Variants in AHNAK observed in about 807,000 individuals in gnomAD.
AHNAK encodes the protein neuroblast differentiation-associated protein AHNAK.
Under a neutral mutation model 37.8 loss-of-function variants are expected in AHNAK, and 23 were observed. The ratio of observed to expected loss-of-function variants is 0.61; its 90% confidence interval spans 0.44 to 0.86. The LOEUF (loss-of-function observed/expected upper bound fraction) is 0.86, where lower values mean the gene tolerates loss of function less well. Among genes scored for constraint, AHNAK ranks in the 40% least tolerant of loss-of-function variants. AHNAK has a pLI of 0.00. For missense variants in AHNAK, 7,411 were observed against 7,319.4 expected, an observed-to-expected ratio of 1.01 and a Z score of -0.46; for synonymous variants, 2,481 against 2,636.3, an observed-to-expected ratio of 0.94 and a Z score of 1.80.
chr11:62,443,924 C>T (rs569188968), intron 5 of AHNAK, among the ~76,000 whole-genome samples: 1 of 152,340 alleles, frequency 6.6e-6, no homozygotes, highest in African/African-American at 2.4e-5. Context: ...TTATGAGGCA[C>T]CAGCAGTAGA....
At chr11:62,495,237 A>G (rs1565213876) in intron 4 of AHNAK, among the ~76,000 whole-genome samples, 1 of 152,184 alleles carries the variant, frequency 6.6e-6, no homozygotes, top group Non-Finnish European at 1.5e-5. Flanking sequence ...TCATAAACCC[A>G]CACTCTAAAC....
chr11:62,532,179 G>C lies in AHNAK; in HGVS notation c.2238C>G (p.His746Gln). 6.2e-7 allele frequency: 1 copy of C among 1,614,110 alleles called. No individual in the cohort carries two copies. Among genetic ancestry groups the C allele is most frequent in the African/African-American group, 1.3e-5 (1 of 75,010 alleles). The change falls in exon 5 of 5, where the codon CAC (histidine) becomes CAG (glutamine). Residue 746 changes from histidine to glutamine, a missense_variant. His to Gln is a conservative substitution (Grantham distance 24). Transcript: ENST00000378024. ...GCATTTTCATCTTGGGCATCTTCAA[G>C]TGCCAGTCTGGGCCATGAACATCCA... ...PDVDVHGPDW[H>Q]LKMPKMKMPK...
At chr11:62,470,457 T>A (rs967601506) in intron 5 of AHNAK, among the ~76,000 whole-genome samples, 18 of 142,284 alleles carry the variant, frequency 1.3e-4, no homozygotes, top group African/African-American at 4.8e-4. Flanking sequence ...AAAAAAAAAA[T>A]TAGCTGGGCG....
Position 62,528,749 on chromosome 11 carries a change from C to T in AHNAK, c.5668G>A (p.Gly1890Ser). 1.2e-6 allele frequency: 2 copies of T among 1,612,372 alleles called. No individual in the cohort carries two copies. The highest frequency in any genetic ancestry group is 1.7e-6 in the Non-Finnish European group (2 of 1,179,726). ...AGCTCAACATCAGGCACCTCCACAC[C>T]CACACTGGGGCCTGTTAAATCTCCC... ...LEGDLTGPSVGVEVPDVELEC... is the reference protein window; with the variant it reads ...LEGDLTGPSVSVEVPDVELEC... The change falls in exon 5 of 5, where the codon GGT (glycine) becomes AGT (serine). Residue 1890 changes from glycine (G) to serine (S), a missense_variant. Physicochemically the swap from Gly to Ser is moderately conservative, Grantham distance 56. Transcript: ENST00000378024.
intron 4 of AHNAK, among the ~76,000 whole-genome samples, chr11:62,493,255 C>T (rs933667978): frequency 1.3e-5 from 2 of 151,514 alleles, no homozygotes; most frequent in African/African-American, 4.8e-5. Context: ...CTCAGATGAT[C>T]CACCCACCTC....
Position 62,527,062 on chromosome 11 carries a change from T to C in AHNAK, c.7355A>G (p.Asn2452Ser), listed in dbSNP as rs764634958. 2.7e-5 allele frequency: 43 copies of C among 1,614,186 alleles called. No homozygotes were observed. The Admixed American group carries it at 3.7e-4, about 14-fold the overall frequency. Residue 2452 changes from asparagine (N) to serine (S), a missense_variant, in exon 5 of 5, where the codon AAT becomes AGT. Transcript: ENST00000378024. The stretch of plus-strand genomic sequence containing the variant: ...TAGATCAACATCAGGCATAGAAATA[T>C]TGGGGGCTTTGAAATGCATATCAGG... ...KMPDMHFKAP[N>S]ISMPDVDLNL...
At chr11:62,471,296 G>C (rs1030419233) in intron 5 of AHNAK, among the ~76,000 whole-genome samples, 1 of 152,072 alleles carries the variant, frequency 6.6e-6, no homozygotes, top group Non-Finnish European at 1.5e-5. Context: ...CGCAACTAGG[G>C]GGGGCTTCCA....
chr11:62,488,687 C>T (rs1159655498), intron 5 of AHNAK, among the ~76,000 whole-genome samples: 1 of 150,180 alleles, frequency 6.7e-6, no homozygotes, highest in East Asian at 2.0e-4. Context: ...GCTGGGATTA[C>T]AGGTATGAGC....
At chr11:62,475,602 C>CATTT (rs1484963988) in intron 5 of AHNAK, among the ~76,000 whole-genome samples, 3 of 118,054 alleles carry the variant, frequency 2.5e-5, no homozygotes, top group African/African-American at 7.1e-5. Flanking sequence ...TTATGTTATA[C>CATTT]TTTTTTTTTT....
chr11:62,442,803 G>C (rs1012242084), intron 5 of AHNAK, among the ~76,000 whole-genome samples: 4 of 151,318 alleles, frequency 2.6e-5, no homozygotes, highest in African/African-American at 9.7e-5. Context: ...AGGAGGCAGA[G>C]GTTGCAGTAA....
Position 62,518,190 on chromosome 11 carries a change from G to A in AHNAK, c.16227C>T (p.Pro5409=), listed in dbSNP as rs936185816. ...ACCCCGGAGTAGAGATGCCAAATTG[G>A]GGCAGCTTCATTTTGGGAAGTTTAA... ...GSIKLPKMKL[P]QFGISTPGSD... Residue 5409 remains proline (P), a synonymous_variant, in exon 5 of 5, where the codon CCC becomes CCT. Transcript: ENST00000378024. 6.2e-7 allele frequency: 1 copy of A among 1,614,096 alleles called. No homozygotes were observed. The highest frequency in any genetic ancestry group is 8.5e-7 in the Non-Finnish European group (1 of 1,180,008).
chr11:62,479,023 A>G (rs780301286), intron 5 of AHNAK, among the ~76,000 whole-genome samples: 7 of 152,020 alleles, frequency 4.6e-5, no homozygotes, highest in Non-Finnish European at 1.0e-4. Flanking sequence ...CTACAGACAC[A>G]TGCCACTGCG....
At chr11:62,472,213 G>A (rs1300072889) in intron 5 of AHNAK, among the ~76,000 whole-genome samples, 12 of 151,860 alleles carry the variant, frequency 7.9e-5, no homozygotes, top group Admixed American at 5.2e-4. Flanking sequence ...GCCCAGCCCC[G>A]GCCTCCACTT....
chr11:62,477,828 A>C (rs1426745406), intron 5 of AHNAK, among the ~76,000 whole-genome samples: 1 of 151,630 alleles, frequency 6.6e-6, no homozygotes, highest in Non-Finnish European at 1.5e-5. Context: ...TATAAAAAGC[A>C]GGGGGATCCC....
chr11:62,472,026 G>C (rs1264070726), intron 5 of AHNAK, among the ~76,000 whole-genome samples: 1 of 152,128 alleles, frequency 6.6e-6, no homozygotes, highest in East Asian at 1.9e-4. Flanking sequence ...CCAGGAGGCT[G>C]CCCATGACCC....
Position 62,533,927 on chromosome 11 carries a change from C to T in AHNAK, c.490G>A (p.Val164Met). 1 of 1,614,168 alleles carries T rather than the reference C, an allele frequency of 6.2e-7. No homozygotes were observed. The highest frequency in any genetic ancestry group is 8.5e-7 in the Non-Finnish European group (1 of 1,180,016). Residue 164 changes from valine (V) to methionine (M), a missense_variant, in exon 5 of 5, where the codon GTG (valine) becomes ATG (methionine). Val to Met is a conservative substitution (Grantham distance 21). Transcript: ENST00000378024. ...TRRVTAYTVD[V>M]TGREGAKDID... ...TCCTTGGCTCCTTCCCGGCCAGTCA[C>T]ATCCACAGTGTAGGCCGTGACCCTT...
Position 62,531,083 on chromosome 11 carries a change from C to A in AHNAK, c.3334G>T (p.Ala1112Ser). Residue 1112 changes from alanine to serine, a missense_variant, in exon 5 of 5, where the codon GCA becomes TCA. Physicochemically the swap from Ala to Ser is moderately conservative, Grantham distance 99. Transcript: ENST00000378024. ...DIRGPKVDIK[A>S]PDVEGQGLDW... ...AGGCCTTGGCCTTCCACATCTGGTGCTTTAATATCTACCTTGGGACCTCTG... is the reference window on the plus strand; with the variant it reads ...AGGCCTTGGCCTTCCACATCTGGTGATTTAATATCTACCTTGGGACCTCTG... The A allele has an allele frequency of 1.2e-6, 2 of 1,613,860 alleles. No individual in the cohort carries two copies. Among genetic ancestry groups the A allele is most frequent in the Non-Finnish European group, 1.7e-6 (2 of 1,179,992 alleles).
Position 62,523,311 on chromosome 11 carries a change from G to A in AHNAK, c.11106C>T (p.Gly3702=), listed in dbSNP as rs987968275. The A allele has an allele frequency of 6.2e-7, 1 of 1,613,398 alleles. No homozygotes were observed. The highest frequency in any genetic ancestry group is 8.5e-7 in the Non-Finnish European group (1 of 1,179,798). The change falls in exon 5 of 5, where the codon GGC becomes GGT. Residue 3702 remains glycine, a synonymous_variant. Transcript: ENST00000378024. ...TGGGGCCCTTGATGTCCACCTCAGG[G>A]CCTTTTAGATCACCTTCCACTTTGG... ...SLPKVEGDLK[G]PEVDIKGPKV... is the part of the protein sequence containing the mutation.
At chr11:62,439,664 G>GTTTTTTTTTTTTTTTTTTTTTTTT (rs1565194563) in intron 5 of AHNAK, among the ~76,000 whole-genome samples, 1 of 126,420 alleles carries the variant, frequency 7.9e-6, no homozygotes. Flanking sequence ...ATTTTTGTGT[G>GTTTTTTTTTTTTTTTTTTTTTTTT]ATTTTTTTTT....
Sources: allele counts gnomAD v4.1 joint callset (sites outside exome capture counted in the v4.1 genomes callset), GRCh38; gene constraint gnomAD v4.1.1; transcripts MANE v1.5; gene names NCBI Gene and HGNC (gene_info 2026-07-23, HGNC 2026-07-21).